RANBP17: variants seen among roughly 807,000 people sequenced by gnomAD.
RANBP17 encodes ran-binding protein 17.
A neutral mutation model predicts 141.2 loss-of-function variants in RANBP17; 158 were observed. The observed-to-expected ratio is 1.12, with a 90% CI of 0.98 to 1.28. The LOEUF is 1.28. Ranked by LOEUF, RANBP17 falls within the 50% of genes most tolerant of loss-of-function variation. The pLI is 0.00. For synonymous variants in RANBP17, 430 were observed against 450.0 expected (o/e 0.96, Z 0.56); for missense variants, 1,438 against 1,290.7 (o/e 1.11, Z -1.75).
At chr5:170,988,086 A>G (rs1021122090) in intron 14 of RANBP17, among the ~76,000 whole-genome samples, 3 of 151,664 alleles carry the variant, frequency 2.0e-5, no homozygotes, top group African/African-American at 7.2e-5. Flanking sequence ...GTGATTACTT[A>G]ATAAAATATA....
chr5:171,277,645 A>ATATATATATATATATT (rs1561823440), intron 25 of RANBP17, among the ~76,000 whole-genome samples: 1 of 120,620 alleles, frequency 8.3e-6, no homozygotes, highest in African/African-American at 3.2e-5. Context: ...ATGTATATAT[A>ATATATATATATATATT]TATATATATA....
intron 14 of RANBP17, among the ~76,000 whole-genome samples, chr5:171,008,238 C>G (rs536132577): frequency 1.3e-5 from 2 of 152,118 alleles, no homozygotes; most frequent in Non-Finnish European, 2.9e-5. Context: ...TGAAGGGTAG[C>G]GAGAGAGGCT....
At chr5:171,136,421 T>G (rs1757287532) in intron 14 of RANBP17, among the ~76,000 whole-genome samples, 1 of 152,038 alleles carries the variant, frequency 6.6e-6, no homozygotes, top group South Asian at 2.1e-4. Context: ...TTTTCTTTTC[T>G]TTTCTTTTCT....
chr5:171,152,403 C>T (rs1176622210), intron 14 of RANBP17, among the ~76,000 whole-genome samples: 1 of 147,872 alleles, frequency 6.8e-6, no homozygotes, highest in Admixed American at 6.8e-5. Context: ...GGCGACAGAA[C>T]GAGACTCTAT....
chr5:171,256,766 T>C (rs1765924490), intron 24 of RANBP17, among the ~76,000 whole-genome samples: 1 of 151,890 alleles, frequency 6.6e-6, no homozygotes, highest in South Asian at 2.1e-4. Context: ...CATCAGAGAC[T>C]ATTATGAACA....
At chr5:171,288,348 A>G (rs1421977422) in intron 25 of RANBP17, among the ~76,000 whole-genome samples, 1 of 152,186 alleles carries the variant, frequency 6.6e-6, no homozygotes, top group Non-Finnish European at 1.5e-5. Context: ...CCACATACCT[A>G]AGAGATTCAC....
intron 13 of RANBP17, among the ~76,000 whole-genome samples, chr5:170,956,165 A>G (rs1057042111): frequency 2.0e-5 from 3 of 151,888 alleles, no homozygotes; most frequent in African/African-American, 7.2e-5. Context: ...AGTGGCACTT[A>G]TATCTTACAC....
At chr5:170,931,311 G>A (rs1160224803) in intron 12 of RANBP17, among the ~76,000 whole-genome samples, 1 of 152,142 alleles carries the variant, frequency 6.6e-6, no homozygotes, top group Non-Finnish European at 1.5e-5. Flanking sequence ...CTGGATATTA[G>A]CCTTTTGTCA....
chr5:170,958,161 C>T (rs1402644270), intron 13 of RANBP17, among the ~76,000 whole-genome samples: 1 of 152,144 alleles, frequency 6.6e-6, no homozygotes, highest in South Asian at 2.1e-4. Context: ...AGCAGTATAT[C>T]CATTGGCTTC....
At chr5:171,118,623 A>G (rs975019407) in intron 14 of RANBP17, among the ~76,000 whole-genome samples, 1 of 151,948 alleles carries the variant, frequency 6.6e-6, no homozygotes, top group African/African-American at 2.4e-5. Context: ...CCTTGGTTAA[A>G]TTTATTTCTT....
chr5:170,892,184 G>A (rs923045624), intron 3 of RANBP17, among the ~76,000 whole-genome samples: 1 of 146,992 alleles, frequency 6.8e-6, no homozygotes, highest in East Asian at 2.0e-4. Flanking sequence ...TGAACATGGA[G>A]GTTTGTTACA....
At chr5:171,202,991 C>G (rs1007287901) in intron 19 of RANBP17, among the ~76,000 whole-genome samples, 1 of 152,096 alleles carries the variant, frequency 6.6e-6, no homozygotes, top group African/African-American at 2.4e-5. Context: ...CCAGCCCATT[C>G]GTCTCACACT....
intron 24 of RANBP17, among the ~76,000 whole-genome samples, chr5:171,247,039 A>C (rs1421793923): frequency 1.3e-5 from 2 of 152,240 alleles, no homozygotes; most frequent in African/African-American, 4.8e-5. Flanking sequence ...TACTGAATGC[A>C]TTAATTAGAT....
chr5:171,074,649 C>T (rs561022359), intron 14 of RANBP17, among the ~76,000 whole-genome samples: 29 of 152,250 alleles, frequency 1.9e-4, no homozygotes, highest in African/African-American at 7.0e-4. Flanking sequence ...AATAAAGGTA[C>T]ATTCTGTCAA....
chr5:171,094,033 T>C (rs998093980), intron 14 of RANBP17, among the ~76,000 whole-genome samples: 2 of 152,244 alleles, frequency 1.3e-5, no homozygotes, highest in Admixed American at 1.3e-4. Context: ...GAGTGAAGTT[T>C]GTTTCCTTGA....
intron 14 of RANBP17, among the ~76,000 whole-genome samples, chr5:170,981,000 A>G (rs908648962): frequency 6.6e-6 from 1 of 152,212 alleles, no homozygotes; most frequent in Non-Finnish European, 1.5e-5. Context: ...CACCTCTTGT[A>G]TCATCATGAC....
chr5:170,964,034 C>T (rs1257163574), intron 13 of RANBP17, among the ~76,000 whole-genome samples: 2 of 151,898 alleles, frequency 1.3e-5, no homozygotes, highest in African/African-American at 2.4e-5. Flanking sequence ...TAAAATACAC[C>T]GAGATGCCGT....
In RANBP17 at chr5:170,868,417, T is replaced by TTTGTTGTTG. The variant is rs371693546; in HGVS notation, c.18+6386_18+6394dup. Among the ~76,000 whole-genome samples the TTTGTTGTTG allele has an allele frequency of 5.6e-3, 850 of 151,622 alleles. 7 individuals are homozygous for TTTGTTGTTG. Among genetic ancestry groups the TTTGTTGTTG allele is most frequent in the African/African-American group, 0.019 (791 of 41,216 alleles). The stretch of plus-strand genomic sequence containing the variant: ...GCATGTGCTACCACACCTGGCTGAT[T>TTTGTTGTTG]TTGTTGTTGTTGTTGTTGTTGTTGT... On this transcript the variant is annotated intron_variant, in intron 1 of 27. Transcript: ENST00000523189.
chr5:170,914,351 A>C, intron 8 of RANBP17, 111 bp downstream of exon 8: 1 of 700,314 alleles, frequency 1.4e-6, no homozygotes, highest in Non-Finnish European at 2.4e-6. Flanking sequence ...TACTTTTCAC[A>C]GTAAGTTCTT....
Sources: allele counts gnomAD v4.1 joint callset (sites outside exome capture counted in the v4.1 genomes callset), GRCh38; gene constraint gnomAD v4.1.1; transcripts MANE v1.5; gene names NCBI Gene and HGNC (gene_info 2026-07-23, HGNC 2026-07-21).